Variants in SOX6 observed in about 807,000 individuals in gnomAD.
The protein encoded by SOX6 is transcription factor SOX-6.
In SOX6, 11 loss-of-function variants were observed where a neutral mutation model predicts 97.8. That is an observed-to-expected ratio of 0.11 (90% CI 0.07 to 0.19). SOX6 has a LOEUF of 0.19. Among genes scored for constraint, SOX6 ranks in the 10% least tolerant of loss-of-function variants. SOX6 has a pLI of 1.00. For missense variants in SOX6, 810 were observed against 1,039.5 expected (o/e 0.78, Z 3.04); for synonymous variants, 360 against 371.4 (o/e 0.97, Z 0.35).
chr11:16,588,524 C>T lies in SOX6; in HGVS notation n.609+23557G>A, dbSNP rs1848119004. 2.6e-5 allele frequency among the ~76,000 whole-genome samples: 4 copies of T among 152,154 alleles called. No homozygotes were observed. In the South Asian group the frequency reaches 8.3e-4, roughly 32 times the overall value. On this transcript the variant is annotated intron_variant and non_coding_transcript_variant, in intron 4 of 5. Coordinates refer to the SOX6 transcript ENST00000524520. ...TTCCCAGCTTCTGCTCTGATTTTAT[C>T]TAAATCCAAGGAAGGCTGGGTGCAG...
At chr11:16,227,492 G>A (rs1260009797) in intron 4 of SOX6, among the ~76,000 whole-genome samples, 1 of 151,344 alleles carries the variant, frequency 6.6e-6, no homozygotes, top group Non-Finnish European at 1.5e-5. Flanking sequence ...GGAATGTAGT[G>A]GTGCAATCAC....
At chr11:16,190,705 C>T (rs1468209089) in intron 4 of SOX6, among the ~76,000 whole-genome samples, 1 of 152,070 alleles carries the variant, frequency 6.6e-6, no homozygotes, top group African/African-American at 2.4e-5. Context: ...TATATATAGC[C>T]AAGTAGCCCT....
At chr11:16,344,997 C>CA (rs531632367) in intron 1 of SOX6, among the ~76,000 whole-genome samples, 3 of 151,904 alleles carry the variant, frequency 2.0e-5, no homozygotes, top group Non-Finnish European at 4.4e-5. Flanking sequence ...TGCTCCCAGC[C>CA]AAACTGCTGA....
At chr11:16,454,015 A>T (rs1859767170) in intron 1 of SOX6, among the ~76,000 whole-genome samples, 1 of 152,154 alleles carries the variant, frequency 6.6e-6, no homozygotes, top group African/African-American at 2.4e-5. Flanking sequence ...CATGCATTTT[A>T]TAATGAATAA....
rs181145185 is a variant in SOX6, at chr11:15,993,529, A to G, written c.1733-4299T>C. On this transcript the variant is annotated intron_variant, in intron 13 of 15. Transcript: ENST00000683767. ...GCTGACCTAAGAGTCTTTAATTACC[A>G]GCAACAGCAGTCCCAAATGACAGTT... Among the ~76,000 whole-genome samples, 3 of 152,302 alleles carry G rather than the reference A, an allele frequency of 2.0e-5. No homozygotes were observed. The East Asian group carries it at 5.8e-4, about 29-fold the overall frequency.
At chr11:16,350,707 T>C (rs532160550) in intron 1 of SOX6, among the ~76,000 whole-genome samples, 1 of 152,300 alleles carries the variant, frequency 6.6e-6, no homozygotes, top group South Asian at 2.1e-4. Context: ...AATGCTTACA[T>C]AGCATAAGCT....
intron 6 of SOX6, among the ~76,000 whole-genome samples, chr11:16,129,380 A>G (rs1021471066): frequency 6.6e-5 from 10 of 152,052 alleles, no homozygotes; most frequent in African/African-American, 2.2e-4. Flanking sequence ...ACAACTTTAT[A>G]TGCTGTGACA....
intron 3 of SOX6, among the ~76,000 whole-genome samples, chr11:16,636,017 G>A (rs1217579186): frequency 1.3e-5 from 2 of 152,338 alleles, no homozygotes; most frequent in Admixed American, 1.3e-4. Flanking sequence ...AGCGCAGAAG[G>A]GAAATGTGGG....
intron 1 of SOX6, among the ~76,000 whole-genome samples, chr11:16,379,304 T>G (rs973740708): frequency 1.3e-5 from 2 of 151,696 alleles, no homozygotes; most frequent in Admixed American, 1.3e-4. Context: ...CCATCTCTAC[T>G]AAAAAGACAA....
At chr11:16,632,663 G>C (rs977114156) in intron 3 of SOX6, among the ~76,000 whole-genome samples, 1 of 152,204 alleles carries the variant, frequency 6.6e-6, no homozygotes, top group African/African-American at 2.4e-5. Flanking sequence ...GAATAGGTGA[G>C]CACCAAGCAC....
intron 3 of SOX6, among the ~76,000 whole-genome samples, chr11:16,641,534 G>T (rs929192941): frequency 1.3e-5 from 2 of 152,082 alleles, no homozygotes; most frequent in African/African-American, 4.8e-5. Flanking sequence ...TTATTGTGTG[G>T]GAGTCTAAGT....
At chr11:16,240,705 T>A (rs142810889) in intron 3 of SOX6, among the ~76,000 whole-genome samples, 1 of 152,090 alleles carries the variant, frequency 6.6e-6, no homozygotes, top group Admixed American at 6.6e-5. Flanking sequence ...GAGGGAAACA[T>A]ACAGCGGATG....
At chr11:16,166,063 A>G (rs35063518) in intron 6 of SOX6, among the ~76,000 whole-genome samples, 1 of 152,120 alleles carries the variant, frequency 6.6e-6, no homozygotes, top group Non-Finnish European at 1.5e-5. Context: ...GATAGAAATG[A>G]AGGACAATGA....
chr11:15,974,944 C>T (rs1373262028), intron 15 of SOX6, among the ~76,000 whole-genome samples: 2 of 152,164 alleles, frequency 1.3e-5, no homozygotes, highest in Non-Finnish European at 2.9e-5. Flanking sequence ...CATTCAATAA[C>T]CAGCAGAGCC....
At chr11:16,670,054 C>T (rs1261885969) in intron 3 of SOX6, among the ~76,000 whole-genome samples, 1 of 152,134 alleles carries the variant, frequency 6.6e-6, no homozygotes, top group African/African-American at 2.4e-5. Flanking sequence ...ATCCCTACCC[C>T]CGCCCTTCAC....
At chr11:16,524,944 A>T (rs1206091502) in intron 4 of SOX6, among the ~76,000 whole-genome samples, 3 of 152,196 alleles carry the variant, frequency 2.0e-5, no homozygotes, top group Non-Finnish European at 2.9e-5. Context: ...GGACCTCTTC[A>T]AGGAGAACTA....
At chr11:16,430,188 G>A (rs1859247145) in intron 1 of SOX6, among the ~76,000 whole-genome samples, 1 of 151,878 alleles carries the variant, frequency 6.6e-6, no homozygotes, top group Admixed American at 6.6e-5. Flanking sequence ...TGCTTACCCC[G>A]ACCCCAGCCC....
chr11:15,984,756 G>A (rs1853777360), intron 15 of SOX6, among the ~76,000 whole-genome samples: 2 of 152,022 alleles, frequency 1.3e-5, no homozygotes, highest in Admixed American at 1.3e-4. Flanking sequence ...ACCTCTAAAA[G>A]GTTCTGCCAT....
At chr11:16,170,115 T>C (rs1451759788) in intron 6 of SOX6, among the ~76,000 whole-genome samples, 1 of 152,070 alleles carries the variant, frequency 6.6e-6, no homozygotes, top group East Asian at 1.9e-4. Context: ...TGTTCACATA[T>C]GAGAGAAATT....
Sources: allele counts gnomAD v4.1 joint callset (sites outside exome capture counted in the v4.1 genomes callset), GRCh38; gene constraint gnomAD v4.1.1; transcripts MANE v1.5; gene names NCBI Gene and HGNC (gene_info 2026-07-23, HGNC 2026-07-21).